The following TRIM66 variants were observed in gnomAD, a reference collection of about 807,000 sequenced individuals.
TRIM66 encodes tripartite motif-containing protein 66.
A neutral mutation model predicts 148.2 loss-of-function variants in TRIM66; 99 were observed. The observed-to-expected ratio is 0.67, with a 90% CI of 0.57 to 0.79. The LOEUF (loss-of-function observed/expected upper bound fraction) is 0.79, where lower values mean the gene tolerates loss of function less well. Among genes scored for constraint, TRIM66 ranks in the 30% least tolerant of loss-of-function variants. TRIM66 has a pLI of 0.00. For synonymous variants in TRIM66, 616 were observed against 635.9 expected, an observed-to-expected ratio of 0.97 and a Z score of 0.47; for missense variants, 1,666 against 1,697.9, an observed-to-expected ratio of 0.98 and a Z score of 0.33.
chr11:8,672,343 T>C lies in TRIM66; in HGVS notation c.-69A>G. 6.5e-7 allele frequency: 1 copy of C among 1,534,984 alleles called. No homozygotes were observed. The highest frequency in any genetic ancestry group is 1.2e-5 in the South Asian group (1 of 83,814). ...TGAAGGCGAACAAACCCTTCAAAAG[T>C]GTCCCGTACCTGTGCCTCTCCTTAT... On this transcript the variant is annotated 5_prime_UTR_variant, in exon 5 of 25. Transcript: ENST00000646038.
Position 8,624,459 on chromosome 11 carries a change from G to C in TRIM66, c.2919C>G (p.Pro973=). 1.3e-6 allele frequency: 2 copies of C among 1,551,712 alleles called. No homozygotes were observed. The highest frequency in any genetic ancestry group is 1.7e-6 in the Non-Finnish European group (2 of 1,146,994). Residue 973 remains proline (P), a synonymous_variant, in exon 17 of 25, where the codon CCC becomes CCG. Transcript: ENST00000646038. ...GGTTAATTGGCTCCTCCAGTTCTGAGGGGATGGCCAAGTCCTTGGGAGCAT... is the reference window on the plus strand; with the variant it reads ...GGTTAATTGGCTCCTCCAGTTCTGACGGGATGGCCAAGTCCTTGGGAGCAT... The part of the protein sequence containing the change: ...GLDAPKDLAI[P]SELEEPINLS...
chr11:8,638,861 G>T (rs766455160), intron 14 of TRIM66, 46 bp from the exon 15 acceptor site: 1 of 1,532,572 alleles, frequency 6.5e-7, no homozygotes. Context: ...TGCAGACAGC[G>T]TAGCAGCAGC....
intron 15 of TRIM66, among the ~76,000 whole-genome samples, chr11:8,630,701 CT>C (rs1487454160): frequency 1.3e-5 from 2 of 152,140 alleles, no homozygotes. Context: ...GTCCCCGTCC[CT>C]GTCCCTTTCC....
intron 13 of TRIM66, among the ~76,000 whole-genome samples, chr11:8,642,337 C>T (rs953018362): frequency 6.6e-6 from 1 of 152,206 alleles, no homozygotes; most frequent in African/African-American, 2.4e-5. Flanking sequence ...ACCTACATAT[C>T]ATTTGTCACT....
At chr11:8,681,597 G>C (rs1308238211) in intron 1 of TRIM66, among the ~76,000 whole-genome samples, 1 of 152,098 alleles carries the variant, frequency 6.6e-6, no homozygotes, top group East Asian at 1.9e-4. Flanking sequence ...GACTAGCGAG[G>C]GGATGGGATC....
chr11:8,632,661 T>C (rs1395196612), intron 15 of TRIM66, among the ~76,000 whole-genome samples: 1 of 152,118 alleles, frequency 6.6e-6, no homozygotes, highest in Non-Finnish European at 1.5e-5. Context: ...TTTCACCATG[T>C]TGGCCAGGCT....
At chr11:8,650,203 T>C (rs891209609) in intron 7 of TRIM66, among the ~76,000 whole-genome samples, 9 of 151,842 alleles carry the variant, frequency 5.9e-5, no homozygotes, top group Admixed American at 1.3e-4. Context: ...TGAGACCCCA[T>C]CTCTACAAAA....
chr11:8,676,682 C>G (rs535755560), intron 3 of TRIM66, among the ~76,000 whole-genome samples: 12 of 152,322 alleles, frequency 7.9e-5, no homozygotes, highest in African/African-American at 2.6e-4. Flanking sequence ...TTTGAGAAGA[C>G]GAAGGGTCAA....
At chr11:8,657,836 C>A (rs1444250447) in intron 6 of TRIM66, among the ~76,000 whole-genome samples, 1 of 152,188 alleles carries the variant, frequency 6.6e-6, no homozygotes, top group Non-Finnish European at 1.5e-5. Flanking sequence ...GCTAGAAAGA[C>A]AAATTTTTGT....
At chr11:8,667,348 A>G (rs954506243) in intron 6 of TRIM66, among the ~76,000 whole-genome samples, 5 of 152,226 alleles carry the variant, frequency 3.3e-5, no homozygotes, top group African/African-American at 7.2e-5. Flanking sequence ...AAAAACATAG[A>G]TAAGTTGGAC....
rs2033685734 is a variant in TRIM66 at position 8,615,816 on chromosome 11, T to C, written c.*2128A>G. ...GGAAAGCCAAGCTTTTAACAGGTATTTCTGCTTTAAATTTGTGGTCTCCAA... is the reference window on the plus strand; with the variant it reads ...GGAAAGCCAAGCTTTTAACAGGTATCTCTGCTTTAAATTTGTGGTCTCCAA... On this transcript the variant is annotated 3_prime_UTR_variant, in exon 25 of 25. Coordinates refer to ENST00000646038, the MANE Select transcript of TRIM66 (RefSeq NM_001388022.1). 1 of 152,168 alleles carries C rather than the reference T, an allele frequency of 6.6e-6. No individual in the cohort carries two copies. The highest frequency in any genetic ancestry group is 2.1e-4 in the South Asian group (1 of 4,830). 9.4% of individuals were successfully genotyped at this position (152,168 alleles called of 1,614,324 possible). A position where few individuals can be genotyped will look rare whatever the true frequency, so the allele number is the denominator to read the frequency against.
intron 18 of TRIM66, among the ~76,000 whole-genome samples, chr11:8,622,197 G>T (rs2034294197): frequency 6.6e-6 from 1 of 151,032 alleles, no homozygotes; most frequent in African/African-American, 2.4e-5. Context: ...TTGAGACTCA[G>T]ACTGGGTCTC....
chr11:8,641,812 T>C (rs1334542599), intron 13 of TRIM66, among the ~76,000 whole-genome samples: 1 of 152,108 alleles, frequency 6.6e-6, no homozygotes, highest in Non-Finnish European at 1.5e-5. Flanking sequence ...AGAGGTCTCG[T>C]GAGACCTGAT....
At position 8,618,804 on chromosome 11, in the gene TRIM66, C is replaced by A; in HGVS notation, c.4065G>T (p.Pro1355=). The A allele has an allele frequency of 1.3e-6, 2 of 1,551,338 alleles. No homozygotes were observed. The highest frequency in any genetic ancestry group is 1.7e-6 in the Non-Finnish European group (2 of 1,146,948). Residue 1355 remains proline, a synonymous_variant, in exon 24 of 25, where the codon CCG becomes CCT. Transcript: ENST00000646038. The stretch of plus-strand genomic sequence containing the variant: ...TGCCCTCCTGCATGTAGGGAGGCCA[C>A]GGGAAGCCCTGGGGAGTGGAACATC... The part of the protein sequence containing the change: ...ESGCSTPQGF[P]WPPYMQEGIQ...
chr11:8,627,774 T>C (rs1026323276), intron 15 of TRIM66, among the ~76,000 whole-genome samples: 3 of 152,238 alleles, frequency 2.0e-5, no homozygotes, highest in Admixed American at 6.5e-5. Context: ...ACTCTGGGAT[T>C]TTCCTTTGGA....
In TRIM66 at chr11:8,667,987, A is replaced by G. The variant is rs898836466; in HGVS notation, c.340+3799T>C. On this transcript the variant is annotated intron_variant, in intron 6 of 24. Transcript: ENST00000646038. ...ATTTTCAATTTTCTGAGGAACTGCC[A>G]TATTTTCCACAGCAGCCACACTGTA... Among the ~76,000 whole-genome samples, 10 of 152,350 alleles carry G rather than the reference A, an allele frequency of 6.6e-5. No homozygotes were observed. The East Asian group carries it at 1.9e-3, about 29-fold the overall frequency.
intron 12 of TRIM66, chr11:8,644,188 A>G (rs1015407938): frequency 1.0e-5 from 3 of 290,520 alleles, no homozygotes; most frequent in African/African-American, 6.8e-5. Context: ...ATTTACAGTC[A>G]TGATATCACT....
At position 8,649,515 on chromosome 11, in the gene TRIM66, C is replaced by CTA. The variant is rs1486421954; in HGVS notation, c.592+223_592+224dup. 2.6e-5 allele frequency among the ~76,000 whole-genome samples: 4 copies of CTA among 152,158 alleles called. No homozygotes were observed. The South Asian group carries it at 8.3e-4, about 32-fold the overall frequency. ...CCACAATAATTCAACACTTTCCTCTCTATACCATTTCATCCACACTCATCC... is the reference window on the plus strand; with the variant it reads ...CCACAATAATTCAACACTTTCCTCTCTATATACCATTTCATCCACACTCATCC... On this transcript the variant is annotated intron_variant, in intron 8 of 24. Coordinates refer to ENST00000646038, the MANE Select transcript of TRIM66 (RefSeq NM_001388022.1).
At chr11:8,657,469 G>A (rs2316901) in intron 6 of TRIM66, among the ~76,000 whole-genome samples, 62,744 of 151,844 alleles carry the variant, frequency 0.41, 13,387 homozygotes, top group East Asian at 0.6. Context: ...GGAGGCCCTG[G>A]GACAGGGAGG....
Sources: allele counts gnomAD v4.1 joint callset (sites outside exome capture counted in the v4.1 genomes callset), GRCh38; gene constraint gnomAD v4.1.1; transcripts MANE v1.5; gene names NCBI Gene and HGNC (gene_info 2026-07-23, HGNC 2026-07-21).